SGSM1: variants seen among roughly 807,000 people sequenced by gnomAD.
SGSM1 encodes the protein RUN and TBC1 domain containing 2.
A neutral mutation model predicts 133.8 loss-of-function variants in SGSM1; 73 were observed. The ratio of observed to expected loss-of-function variants is 0.55; its 90% CI spans 0.45 to 0.66. SGSM1 has a LOEUF of 0.66. Ranked by LOEUF, SGSM1 falls within the 30% of genes least tolerant of loss-of-function variation. The pLI, the probability that SGSM1 is intolerant of heterozygous loss-of-function variation, is 0.00. For synonymous variants in SGSM1, 563 were observed against 573.0 expected (o/e 0.98, Z 0.25); for missense variants, 1,213 against 1,448.1 (o/e 0.84, Z 2.64).
intron 21 of SGSM1, among the ~76,000 whole-genome samples, chr22:24,908,907 G>T (rs1933513561): frequency 1.3e-5 from 2 of 152,100 alleles, no homozygotes; most frequent in Admixed American, 1.3e-4. Context: ...TATGCAAATG[G>T]CCAATAAGCA....
chr22:24,867,341 G>A (rs1931517715), intron 10 of SGSM1, among the ~76,000 whole-genome samples, 181 bp downstream of exon 10: 1 of 152,186 alleles, frequency 6.6e-6, no homozygotes, highest in African/African-American at 2.4e-5. Context: ...TGTAACATGG[G>A]AATTATAACA....
chr22:24,856,875 T>A (rs1287098081), intron 8 of SGSM1, among the ~76,000 whole-genome samples: 1 of 151,462 alleles, frequency 6.6e-6, no homozygotes, highest in Non-Finnish European at 1.5e-5. Flanking sequence ...TTCACACCAT[T>A]CTCCTGCCTC....
chr22:24,907,921 A>AC (rs1933458917), intron 21 of SGSM1, among the ~76,000 whole-genome samples: 1 of 148,696 alleles, frequency 6.7e-6, no homozygotes, highest in Non-Finnish European at 1.5e-5. Context: ...CAAAAAAAAA[A>AC]AAAAAAAAAA....
intron 22 of SGSM1, 84 bp downstream of exon 22, chr22:24,912,836 A>G: frequency 2.3e-6 from 2 of 872,318 alleles, no homozygotes; most frequent in East Asian, 5.4e-5. Context: ...AGCTATTTAG[A>G]GCCCACCTGG....
At chr22:24,923,319 C>T (rs1237427037) in intron 24 of SGSM1, among the ~76,000 whole-genome samples, 6 of 151,956 alleles carry the variant, frequency 3.9e-5, no homozygotes, top group Admixed American at 3.9e-4. Flanking sequence ...ACCTTGGTAC[C>T]CAGTTTGGGA....
At chr22:24,896,752 C>G (rs139730) in intron 18 of SGSM1, among the ~76,000 whole-genome samples, 61,399 of 150,600 alleles carry the variant, frequency 0.41, 14,602 homozygotes, top group African/African-American at 0.67. Context: ...CGAGGCAGGT[C>G]AATGACCTGA....
intron 21 of SGSM1, among the ~76,000 whole-genome samples, chr22:24,912,063 A>G (rs1185696229): frequency 1.2e-5 from 1 of 86,814 alleles, no homozygotes; most frequent in Non-Finnish European, 2.4e-5. Context: ...TTAAAAAAAA[A>G]GGAAAAAAAA....
Position 24,841,072 on chromosome 22 carries a change from G to A in SGSM1, c.64-3825G>A, listed in dbSNP as rs11090348. 8.9e-3 allele frequency among the ~76,000 whole-genome samples: 1,345 copies of A among 151,858 alleles called. 23 individuals are homozygous for A. The highest frequency in any genetic ancestry group is 0.027 in the African/African-American group (1,125 of 41,390). ...TCACCGTGTTAGCCAAGATGGTCTC[G>A]ATCTCCTGACCTTGTGATCCGCCCG... On this transcript the variant is annotated intron_variant, in intron 2 of 24. Coordinates refer to ENST00000400358, the MANE Select transcript of SGSM1 (RefSeq NM_001098497.3).
rs150688062 is a variant in SGSM1, at chr22:24,818,942, C to T, written c.63+12458C>T. On this transcript the variant is annotated intron_variant, in intron 2 of 24. Transcript: ENST00000400358. ...CGGGCGGATCATGAGGTCAGGAGATCGAGACAATCCTGGCTAACATGATGA... is the reference window on the plus strand; with the variant it reads ...CGGGCGGATCATGAGGTCAGGAGATTGAGACAATCCTGGCTAACATGATGA... 9.3e-3 allele frequency among the ~76,000 whole-genome samples: 1,408 copies of T among 151,826 alleles called. 21 individuals are homozygous for T. Among genetic ancestry groups the T allele is most frequent in the African/African-American group, 0.032 (1,337 of 41,398 alleles).
intron 2 of SGSM1, among the ~76,000 whole-genome samples, chr22:24,837,095 G>T (rs900648735): frequency 4.6e-5 from 7 of 152,204 alleles, no homozygotes; most frequent in African/African-American, 1.7e-4. Flanking sequence ...AGAGACAAGA[G>T]AAAAGGCAGC....
At chr22:24,843,502 G>A (rs976376702) in intron 2 of SGSM1, 6 of 152,304 alleles carry the variant, frequency 3.9e-5, no homozygotes, top group Non-Finnish European at 5.9e-5. Flanking sequence ...CCACTGGGTG[G>A]GGGTAACTCA....
At chr22:24,818,943 G>A (rs957460965) in intron 2 of SGSM1, among the ~76,000 whole-genome samples, 1 of 151,870 alleles carries the variant, frequency 6.6e-6, no homozygotes, top group Non-Finnish European at 1.5e-5. Context: ...TCAGGAGATC[G>A]AGACAATCCT....
chr22:24,899,886 C>G (rs755594525), intron 19 of SGSM1, among the ~76,000 whole-genome samples: 3 of 152,114 alleles, frequency 2.0e-5, no homozygotes, highest in Non-Finnish European at 4.4e-5. Flanking sequence ...TTCAGATCTC[C>G]TTTCAATTCA....
At chr22:24,856,174 C>T (rs1277172932) in intron 8 of SGSM1, 2 of 342,238 alleles carry the variant, frequency 5.8e-6, no homozygotes, top group East Asian at 1.6e-4. Flanking sequence ...TTTCCATGGA[C>T]CTGCTATGTG....
intron 2 of SGSM1, among the ~76,000 whole-genome samples, chr22:24,827,246 G>A (rs1381978683): frequency 6.6e-6 from 1 of 152,118 alleles, no homozygotes; most frequent in Non-Finnish European, 1.5e-5. Context: ...GGAGAAGACA[G>A]GGCAGGCCCA....
intron 21 of SGSM1, among the ~76,000 whole-genome samples, chr22:24,912,010 G>A (rs1482785885): frequency 6.6e-6 from 1 of 150,864 alleles, no homozygotes; most frequent in African/African-American, 2.4e-5. Context: ...AGCCAAGATT[G>A]CGCCACTGCA....
intron 5 of SGSM1, among the ~76,000 whole-genome samples, chr22:24,852,790 A>T (rs1930558239): frequency 6.6e-6 from 1 of 152,114 alleles, no homozygotes; most frequent in East Asian, 1.9e-4. Flanking sequence ...TTAAGGCAGC[A>T]TGTTCAAAGT....
chr22:24,815,878 T>C (rs749563654), intron 2 of SGSM1, among the ~76,000 whole-genome samples: 8 of 152,150 alleles, frequency 5.3e-5, no homozygotes, highest in South Asian at 2.1e-4. Context: ...TTTCAGTTCC[T>C]TGGGGGAGGC....
At chr22:24,825,383 C>T (rs1256432435) in intron 2 of SGSM1, among the ~76,000 whole-genome samples, 2 of 152,094 alleles carry the variant, frequency 1.3e-5, no homozygotes, top group Non-Finnish European at 2.9e-5. Context: ...CCTTGAGTCA[C>T]CCCCTCTTCT....
Sources: allele counts gnomAD v4.1 joint callset (sites outside exome capture counted in the v4.1 genomes callset), GRCh38; gene constraint gnomAD v4.1.1; transcripts MANE v1.5; gene names NCBI Gene and HGNC (gene_info 2026-07-23, HGNC 2026-07-21).